Variants in MGAT3 observed in about 807,000 individuals in gnomAD.
MGAT3 encodes beta-1,4-mannosyl-glycoprotein 4-beta-N-acetylglucosaminyltransferase, also known as GlcNAc-T III.
A neutral mutation model predicts 29.8 loss-of-function variants in MGAT3; 9 were observed. The observed-to-expected ratio is 0.30, with a 90% confidence interval of 0.18 to 0.53. The LOEUF is 0.53. MGAT3 is among the 20% of genes least tolerant of loss of function. The probability of loss-of-function intolerance (pLI) is 0.96; values close to 1 mark genes in which losing one functional copy is unlikely to be tolerated. For synonymous variants in MGAT3, 397 were observed against 348.9 expected (o/e 1.14, Z -1.54); for missense variants, 557 against 769.5 (o/e 0.72, Z 3.27).
At chr22:39,475,391 A>C (rs1278309178) in intron 1 of MGAT3, among the ~76,000 whole-genome samples, 1 of 151,722 alleles carries the variant, frequency 6.6e-6, no homozygotes, top group African/African-American at 2.4e-5. Context: ...GTGTCTGTAC[A>C]TCTGTGTATC....
intron 1 of MGAT3, among the ~76,000 whole-genome samples, chr22:39,484,367 T>G (rs1297913978): frequency 1.3e-5 from 2 of 151,882 alleles, no homozygotes. Flanking sequence ...TTGTTTTTTT[T>G]TGTTTGTTTG....
chr22:39,484,313 C>T (rs1929209921), intron 1 of MGAT3, among the ~76,000 whole-genome samples: 1 of 152,246 alleles, frequency 6.6e-6, no homozygotes, highest in East Asian at 1.9e-4. Flanking sequence ...ACTCTGTGCC[C>T]ATTTCACAGA....
At chr22:39,483,020 C>T (rs1929171087) in intron 1 of MGAT3, among the ~76,000 whole-genome samples, 1 of 152,228 alleles carries the variant, frequency 6.6e-6, no homozygotes. Flanking sequence ...GCCCTTTACG[C>T]CAAGCAGGCT....
intron 1 of MGAT3, among the ~76,000 whole-genome samples, chr22:39,466,862 G>A (rs979108051): frequency 1.1e-4 from 17 of 152,236 alleles, no homozygotes; most frequent in African/African-American, 4.1e-4. Context: ...CCTTGATCCT[G>A]GGTGGGGTCA....
chr22:39,463,545 T>G (rs1021239830), intron 1 of MGAT3, among the ~76,000 whole-genome samples: 1 of 152,156 alleles, frequency 6.6e-6, no homozygotes, highest in African/African-American at 2.4e-5. Flanking sequence ...CTGGGCGGCC[T>G]GCGTAAAGTA....
intron 1 of MGAT3, among the ~76,000 whole-genome samples, chr22:39,463,129 G>A (rs1352982794): frequency 6.6e-6 from 1 of 152,182 alleles, no homozygotes; most frequent in East Asian, 1.9e-4. Context: ...TTGGCCTCCG[G>A]GTCATCATAA....
chr22:39,467,726 T>TGTTTC (rs905213087), intron 1 of MGAT3, among the ~76,000 whole-genome samples: 9 of 150,352 alleles, frequency 6.0e-5, no homozygotes, highest in East Asian at 3.9e-4. Flanking sequence ...TGTTTCGTTT[T>TGTTTC]GTTTCGTTTC....
At chr22:39,470,869 G>A (rs1341990568) in intron 1 of MGAT3, among the ~76,000 whole-genome samples, 1 of 152,196 alleles carries the variant, frequency 6.6e-6, no homozygotes, top group Non-Finnish European at 1.5e-5. Context: ...TTTGGAAAGG[G>A]CAGGATTTGA....
At chr22:39,458,389 C>A in intron 1 of MGAT3, among the ~76,000 whole-genome samples, 1 of 152,162 alleles carries the variant, frequency 6.6e-6, no homozygotes, top group Non-Finnish European at 1.5e-5. Context: ...GGCAGACACA[C>A]TACCCCAGTG....
At chr22:39,481,974 AAG>A in intron 1 of MGAT3, among the ~76,000 whole-genome samples, 1 of 152,174 alleles carries the variant, frequency 6.6e-6, no homozygotes, top group East Asian at 1.9e-4. Flanking sequence ...CTTTTGAGAT[AAG>A]AGTCTCACTC....
chr22:39,471,533 G>C (rs529070548), intron 1 of MGAT3, among the ~76,000 whole-genome samples: 1 of 151,764 alleles, frequency 6.6e-6, no homozygotes, highest in Non-Finnish European at 1.5e-5. Context: ...CCTCCTCTCC[G>C]TTCCTCCTTC....
At chr22:39,481,497 C>G (rs918076838) in intron 1 of MGAT3, among the ~76,000 whole-genome samples, 6 of 152,358 alleles carry the variant, frequency 3.9e-5, no homozygotes, top group Admixed American at 6.5e-5. Context: ...CCCATGTTCC[C>G]AGTACCCACC....
At chr22:39,472,254 C>G (rs571900124) in intron 1 of MGAT3, among the ~76,000 whole-genome samples, 60 of 152,304 alleles carry the variant, frequency 3.9e-4, no homozygotes, top group Admixed American at 2.8e-3. Context: ...CTATGGACTC[C>G]TGAGCCCCCT....
chr22:39,464,404 T>G (rs183832883), intron 1 of MGAT3, among the ~76,000 whole-genome samples: 1 of 149,926 alleles, frequency 6.7e-6, no homozygotes, highest in Admixed American at 6.6e-5. Context: ...GGCCTGGCTC[T>G]GTGCCTGGCA....
chr22:39,459,975 C>G (rs944506536), intron 1 of MGAT3, among the ~76,000 whole-genome samples: 1 of 152,246 alleles, frequency 6.6e-6, no homozygotes, highest in Non-Finnish European at 1.5e-5. Flanking sequence ...CGGCAGAGAG[C>G]TGAGGGTGGG....
In MGAT3 at chr22:39,489,060, G is replaced by T; in HGVS notation, c.*111G>T. 8.0e-7 allele frequency: 1 copy of T among 1,249,494 alleles called. No individual in the cohort carries two copies. Among genetic ancestry groups the T allele is most frequent in the Non-Finnish European group, 1.1e-6 (1 of 921,686 alleles). 77.4% of individuals were successfully genotyped at this position (1,249,494 alleles called of 1,614,324 possible). The stretch of plus-strand genomic sequence containing the variant: ...GTTCTTGAGGGGACCAGGAGTGGGT[G>T]GGGAGTGGGGGTGGGGGTAGGGTTT... On this transcript the variant is annotated 3_prime_UTR_variant, in exon 2 of 2. Coordinates refer to ENST00000341184, the MANE Select transcript of MGAT3 (RefSeq NM_002409.5).
chr22:39,459,055 T>C (rs1195141657), intron 1 of MGAT3, among the ~76,000 whole-genome samples: 3 of 40,050 alleles, frequency 7.5e-5, no homozygotes, highest in Non-Finnish European at 1.2e-4. Context: ...TGATTCCTTT[T>C]TCTTTTCTTT....
At chr22:39,474,399 ACT>A (rs1928893107) in intron 1 of MGAT3, among the ~76,000 whole-genome samples, 1 of 151,918 alleles carries the variant, frequency 6.6e-6, no homozygotes, top group Non-Finnish European at 1.5e-5. Context: ...TGCCCCTGAA[ACT>A]CTGAGAAGCC....
intron 1 of MGAT3, among the ~76,000 whole-genome samples, chr22:39,462,857 A>T (rs1053083576): frequency 1.3e-5 from 2 of 152,198 alleles, no homozygotes; most frequent in Non-Finnish European, 2.9e-5. Context: ...TTATGAACTT[A>T]TTTGGCTCAA....
Sources: allele counts gnomAD v4.1 joint callset (sites outside exome capture counted in the v4.1 genomes callset), GRCh38; gene constraint gnomAD v4.1.1; transcripts MANE v1.5; gene names NCBI Gene and HGNC (gene_info 2026-07-23, HGNC 2026-07-21).